STIM1: variants seen among roughly 807,000 people sequenced by gnomAD.
STIM1 encodes the protein stromal interaction molecule 1.
A neutral mutation model predicts 74.7 loss-of-function variants in STIM1; 25 were observed. The ratio of observed to expected loss-of-function variants is 0.33; its 90% confidence interval spans 0.24 to 0.47. The LOEUF (loss-of-function observed/expected upper bound fraction) is 0.47. STIM1 is among the 20% of genes least tolerant of loss of function. The probability of loss-of-function intolerance (pLI) is 1.00; values close to 1 mark genes in which losing one functional copy is unlikely to be tolerated. For missense variants in STIM1, 728 were observed against 920.8 expected (o/e 0.79, Z 2.71); for synonymous variants, 328 against 348.8 (o/e 0.94, Z 0.66).
Position 3,856,314 on chromosome 11 carries a change from T to G in STIM1, c.44T>G (p.Leu15Arg). The G allele has an allele frequency of 6.2e-7, 1 of 1,614,152 alleles. No homozygotes were observed. The highest frequency in any genetic ancestry group is 8.5e-7 in the Non-Finnish European group (1 of 1,180,024). The change falls in exon 1 of 13, where the codon CTC (leucine) becomes CGC (arginine). Residue 15 changes from leucine to arginine, a missense_variant. Around this residue, in one of 5 missense-constraint regions of STIM1, gnomAD observed 62 missense variants for 55.5 expected, o/e 1.12. Transcript: ENST00000526596. ...CTTGCCCTGTGGCTCCTCTGGGGACTCCTCCTGCACCAGGGCCAGAGCCTC... is the reference window on the plus strand; with the variant it reads ...CTTGCCCTGTGGCTCCTCTGGGGACGCCTCCTGCACCAGGGCCAGAGCCTC... ...VRLALWLLWGLLLHQGQSLSH... is the reference protein window; with the variant it reads ...VRLALWLLWGRLLHQGQSLSH...
At chr11:3,914,588 T>C (rs1435186021) in intron 1 of STIM1, among the ~76,000 whole-genome samples, 2 of 152,130 alleles carry the variant, frequency 1.3e-5, no homozygotes, top group African/African-American at 4.8e-5. Context: ...ATTACAGGTG[T>C]GCACCGCCAC....
At chr11:4,085,420 T>C (rs2094488089) in intron 11 of STIM1, among the ~76,000 whole-genome samples, 1 of 152,232 alleles carries the variant, frequency 6.6e-6, no homozygotes, top group African/African-American at 2.4e-5. Flanking sequence ...CACTAGCATA[T>C]TCCTAAGTTA....
At chr11:3,922,219 C>G (rs2092726219) in intron 1 of STIM1, among the ~76,000 whole-genome samples, 1 of 152,014 alleles carries the variant, frequency 6.6e-6, no homozygotes, top group Admixed American at 6.6e-5. Context: ...CTAGTGAGTG[C>G]TAACACCACT....
intron 1 of STIM1, among the ~76,000 whole-genome samples, chr11:3,873,911 G>C (rs530438244): frequency 1.3e-5 from 2 of 152,254 alleles, no homozygotes; most frequent in South Asian, 2.1e-4. Flanking sequence ...GAAGGGCAGA[G>C]GCTTTCCCTG....
intron 2 of STIM1, among the ~76,000 whole-genome samples, chr11:3,980,811 G>A (rs1477189775): frequency 6.6e-6 from 1 of 152,102 alleles, no homozygotes; most frequent in Non-Finnish European, 1.5e-5. Flanking sequence ...GAGCTGTCTT[G>A]TACATTGTAG....
intron 1 of STIM1, among the ~76,000 whole-genome samples, chr11:3,896,926 G>A (rs2092196747): frequency 6.6e-6 from 1 of 152,162 alleles, no homozygotes; most frequent in African/African-American, 2.4e-5. Context: ...ATTAAGATGA[G>A]ATAATCTATG....
chr11:3,963,595 C>T (rs891244046), intron 1 of STIM1, among the ~76,000 whole-genome samples: 1 of 152,084 alleles, frequency 6.6e-6, no homozygotes, highest in African/African-American at 2.4e-5. Context: ...TAGAGAAATC[C>T]TACACATAGT....
intron 3 of STIM1, among the ~76,000 whole-genome samples, chr11:4,040,745 G>C (rs2094141291): frequency 6.6e-6 from 1 of 152,192 alleles, no homozygotes; most frequent in Non-Finnish European, 1.5e-5. Context: ...ATAGCACCTA[G>C]GTTCTCTTAC....
intron 2 of STIM1, among the ~76,000 whole-genome samples, chr11:3,999,238 T>A (rs1295503301): frequency 6.6e-6 from 1 of 152,172 alleles, no homozygotes; most frequent in African/African-American, 2.4e-5. Flanking sequence ...CTCGGGAGGC[T>A]GAGGCAGGAG....
At chr11:3,944,892 C>T (rs893702565) in intron 1 of STIM1, among the ~76,000 whole-genome samples, 12 of 152,182 alleles carry the variant, frequency 7.9e-5, no homozygotes, top group African/African-American at 2.9e-4. Context: ...GTCCTCAATG[C>T]TCAATTTCAT....
At chr11:4,010,860 C>A (rs1476857106) in intron 2 of STIM1, among the ~76,000 whole-genome samples, 1 of 152,050 alleles carries the variant, frequency 6.6e-6, no homozygotes, top group Non-Finnish European at 1.5e-5. Context: ...CTAATGCTAT[C>A]CCTCCCCCAG....
At chr11:3,964,273 C>T (rs80339109) in intron 1 of STIM1, among the ~76,000 whole-genome samples, 29 of 152,162 alleles carry the variant, frequency 1.9e-4, no homozygotes, top group African/African-American at 6.5e-4. Flanking sequence ...GATTGGAATG[C>T]GTAAGAGAAG....
chr11:3,893,810 C>A (rs551937129), intron 1 of STIM1, among the ~76,000 whole-genome samples: 207 of 152,280 alleles, frequency 1.4e-3, no homozygotes, highest in Middle Eastern at 3.4e-3. Flanking sequence ...GCATGTGCCA[C>A]CATGCCTGGC....
rs563599532 is a variant in STIM1 at position 4,035,270 on chromosome 11, T to G, written c.385+11283T>G. ...TCCCAAATTCTGGTGTATTGTGTTT[T>G]TTTTTTTTTTTCCTCTTTTCCAACT... On this transcript the variant is annotated intron_variant, in intron 3 of 12. Coordinates refer to ENST00000526596, the MANE Select transcript of STIM1 (RefSeq NM_001382567.1). Among the ~76,000 whole-genome samples the G allele has an allele frequency of 6.1e-4, 93 of 151,898 alleles. No individual in the cohort carries two copies. The South Asian group carries it at 0.017, about 27-fold the overall frequency.
intron 1 of STIM1, among the ~76,000 whole-genome samples, chr11:3,932,471 G>C (rs984068151): frequency 2.0e-4 from 31 of 151,976 alleles, no homozygotes; most frequent in Non-Finnish European, 4.1e-4. Context: ...GACCATCAGG[G>C]TTAACAGAGT....
chr11:3,937,891 C>A (rs545716439), intron 1 of STIM1, among the ~76,000 whole-genome samples: 7 of 151,994 alleles, frequency 4.6e-5, no homozygotes, highest in Non-Finnish European at 1.0e-4. Flanking sequence ...GGTGTCCCCC[C>A]CTACCTTTAA....
intron 1 of STIM1, among the ~76,000 whole-genome samples, chr11:3,895,522 T>A (rs947907105): frequency 7.9e-5 from 12 of 152,130 alleles, no homozygotes; most frequent in African/African-American, 2.7e-4. Flanking sequence ...AATGAAGAGA[T>A]TAAAGCCCAG....
In STIM1 at chr11:4,048,656, T is replaced by C. The variant is rs1291966444; in HGVS notation, c.386-6870T>C. 2.6e-5 allele frequency among the ~76,000 whole-genome samples: 4 copies of C among 152,300 alleles called. No individual in the cohort carries two copies. In the East Asian group the frequency reaches 7.7e-4, roughly 29 times the overall value. ...AAGTCTACTTCTATTCCTTCATAAT[T>C]GACTTTTAACAAAGTATAGAGATAA... On this transcript the variant is annotated intron_variant, in intron 3 of 12. Coordinates refer to ENST00000526596, the MANE Select transcript of STIM1 (RefSeq NM_001382567.1).
intron 12 of STIM1, chr11:4,086,844 G>C: frequency 6.5e-7 from 1 of 1,534,032 alleles, no homozygotes; most frequent in East Asian, 2.4e-5. Flanking sequence ...TGATGCCTGG[G>C]CATTCAGAGA....
Sources: allele counts gnomAD v4.1 joint callset (sites outside exome capture counted in the v4.1 genomes callset), GRCh38; gene constraint gnomAD v4.1.1; regional missense constraint gnomAD v4.1.1; transcripts MANE v1.5; gene names NCBI Gene and HGNC (gene_info 2026-07-23, HGNC 2026-07-21).